Variants in VPS35L observed in about 807,000 individuals in gnomAD.
VPS35L encodes VPS35 endosomal protein sorting factor like, also known as VPS35 endosomal protein-sorting factor-like.
VPS35L carries 83 observed loss-of-function variants against 133.0 expected under a neutral mutation model. The ratio of observed to expected loss-of-function variants is 0.62; its 90% CI spans 0.52 to 0.75. The LOEUF is 0.75. Ranked by LOEUF, VPS35L falls within the 30% of genes least tolerant of loss-of-function variation. The pLI, the probability that VPS35L is intolerant of heterozygous loss-of-function variation, is 0.00. For synonymous variants in VPS35L, 423 were observed against 449.9 expected (o/e 0.94, Z 0.76); for missense variants, 1,083 against 1,206.8 (o/e 0.90, Z 1.52).
rs189306406 is a variant in VPS35L at position 19,626,309 on chromosome 16, G to C, written c.1271+86G>C. 18 of 976,034 alleles carry C rather than the reference G, an allele frequency of 1.8e-5. No individual in the cohort carries two copies. In the African/African-American group the frequency reaches 2.8e-4, roughly 15 times the overall value. 60.5% of individuals were successfully genotyped at this position (976,034 alleles called of 1,614,324 possible). ...GCTTGGCCTGCTTACCTGGGTATGA[G>C]CTGAAGAGAGAGAGGCAGGACTGCA... On this transcript the variant is annotated intron_variant, in intron 15 of 30. Coordinates refer to ENST00000417362, the MANE Select transcript of VPS35L (RefSeq NM_020314.7).
chr16:19,603,864 T>C (rs1972463186), intron 9 of VPS35L, among the ~76,000 whole-genome samples: 1 of 152,180 alleles, frequency 6.6e-6, no homozygotes, highest in Non-Finnish European at 1.5e-5. Flanking sequence ...CCCAAGTAGC[T>C]GGGATTACAG....
intron 7 of VPS35L, among the ~76,000 whole-genome samples, chr16:19,583,126 A>G (rs186823489): frequency 4.7e-5 from 7 of 148,148 alleles, no homozygotes; most frequent in South Asian, 2.1e-4. Flanking sequence ...TCCACCCATT[A>G]TAAGTGTGTA....
intron 28 of VPS35L, among the ~76,000 whole-genome samples, chr16:19,687,862 C>G (rs1403193830): frequency 6.6e-6 from 1 of 151,986 alleles, no homozygotes; most frequent in Non-Finnish European, 1.5e-5. Context: ...CCTGTAATTC[C>G]AGCACTTTGG....
intron 9 of VPS35L, among the ~76,000 whole-genome samples, chr16:19,604,079 C>G (rs1005246414): frequency 9.2e-5 from 14 of 151,896 alleles, no homozygotes; most frequent in Non-Finnish European, 1.6e-4. Context: ...CATGCTATAC[C>G]ATTGGCAGCA....
intron 3 of VPS35L, among the ~76,000 whole-genome samples, chr16:19,570,869 A>G (rs865956063): frequency 1.4e-5 from 1 of 72,896 alleles, no homozygotes; most frequent in Non-Finnish European, 2.5e-5. Context: ...ATATATATAT[A>G]TATATATATA....
At chr16:19,561,093 G>T (rs917468849) in intron 1 of VPS35L, among the ~76,000 whole-genome samples, 1 of 152,164 alleles carries the variant, frequency 6.6e-6, no homozygotes, top group African/African-American at 2.4e-5. Context: ...GTAGGGGCCA[G>T]GTGCAGTGGC....
At chr16:19,672,024 C>G (rs1033650518) in intron 27 of VPS35L, among the ~76,000 whole-genome samples, 6 of 152,136 alleles carry the variant, frequency 3.9e-5, no homozygotes, top group Non-Finnish European at 7.3e-5. Flanking sequence ...TGCTGTATGC[C>G]TAGGCTGAGC....
chr16:19,664,668 A>C (rs1974602611), intron 26 of VPS35L, among the ~76,000 whole-genome samples: 1 of 152,052 alleles, frequency 6.6e-6, no homozygotes, highest in Non-Finnish European at 1.5e-5. Flanking sequence ...TGGGAAGCCA[A>C]GGCAACCGGA....
intron 16 of VPS35L, among the ~76,000 whole-genome samples, chr16:19,628,201 C>T (rs538033839): frequency 4.0e-4 from 61 of 152,142 alleles, no homozygotes; most frequent in Non-Finnish European, 6.6e-4. Flanking sequence ...CCCATCTCTA[C>T]AAAAAATCAA....
At chr16:19,671,434 A>G (rs1341940847) in intron 27 of VPS35L, among the ~76,000 whole-genome samples, 1 of 148,988 alleles carries the variant, frequency 6.7e-6, no homozygotes, top group Non-Finnish European at 1.5e-5. Flanking sequence ...GCACCACCGC[A>G]CTCCAGCCTG....
chr16:19,638,439 C>A (rs1327202232), intron 20 of VPS35L, among the ~76,000 whole-genome samples: 1 of 152,116 alleles, frequency 6.6e-6, no homozygotes, highest in East Asian at 1.9e-4. Context: ...TGCCTGAAAC[C>A]GCAGATAGAA....
intron 27 of VPS35L, among the ~76,000 whole-genome samples, chr16:19,674,184 CTTTTTT>C (rs201038834): frequency 5.6e-5 from 4 of 70,910 alleles, no homozygotes; most frequent in African/African-American, 1.9e-4. Context: ...TTTTCTTTTT[CTTTTTT>C]TTTTTTTTTT....
chr16:19,674,565 G>A (rs1037749272), intron 27 of VPS35L, among the ~76,000 whole-genome samples: 14 of 151,916 alleles, frequency 9.2e-5, no homozygotes, highest in Admixed American at 6.6e-4. Flanking sequence ...TAGTTTTATT[G>A]TATTGGGGCG....
At chr16:19,687,731 TTA>T (rs1975512225) in intron 28 of VPS35L, among the ~76,000 whole-genome samples, 1 of 151,914 alleles carries the variant, frequency 6.6e-6, no homozygotes, top group Admixed American at 6.6e-5. Context: ...AAAAAAAAAA[TTA>T]TGTGTGTCTG....
intron 15 of VPS35L, 32 bp downstream of exon 15, chr16:19,626,255 T>C: frequency 6.5e-7 from 1 of 1,544,572 alleles, no homozygotes; most frequent in Non-Finnish European, 8.9e-7. Context: ...AAGCATGAGT[T>C]TGAAAATGGC....
intron 1 of VPS35L, among the ~76,000 whole-genome samples, chr16:19,564,634 C>T (rs929723123): frequency 7.9e-5 from 12 of 152,148 alleles, no homozygotes; most frequent in Admixed American, 1.3e-4. Flanking sequence ...CCTGACCTCA[C>T]GTGATCCACC....
chr16:19,652,156 G>A, intron 26 of VPS35L, 66 bp downstream of exon 26: 2 of 1,090,906 alleles, frequency 1.8e-6, no homozygotes, highest in Non-Finnish European at 2.8e-6. Context: ...TCAGGTGTGT[G>A]CGTATGTGTG....
chr16:19,580,187 C>T (rs1188933164), intron 6 of VPS35L, among the ~76,000 whole-genome samples: 1 of 151,906 alleles, frequency 6.6e-6, no homozygotes, highest in African/African-American at 2.4e-5. Flanking sequence ...GATCTCAGCT[C>T]ACTGCAACCT....
At position 19,656,251 on chromosome 16, in the gene VPS35L, G is replaced by A. The variant is rs868542669; in HGVS notation, c.2221+4161G>A. ...TGCACTCCAGCCTGGGCAACAAAGCGAGACTCTGTCTCAAAAAAAAAAAAA... is the reference window on the plus strand; with the variant it reads ...TGCACTCCAGCCTGGGCAACAAAGCAAGACTCTGTCTCAAAAAAAAAAAAA... On this transcript the variant is annotated intron_variant, in intron 26 of 30. Coordinates refer to ENST00000417362, the MANE Select transcript of VPS35L (RefSeq NM_020314.7). Among the ~76,000 whole-genome samples the A allele has an allele frequency of 1.1e-3, 154 of 135,460 alleles. 2 individuals are homozygous for A. In the Middle Eastern group the frequency reaches 0.024, roughly 21 times the overall value. 88.9% of individuals were successfully genotyped at this position (135,460 alleles called of 152,430 possible).
Sources: gnomAD v4.1 joint callset for allele counts (sites outside exome capture counted in the v4.1 genomes callset) on GRCh38, gnomAD v4.1.1 for gene constraint, MANE v1.5 for transcripts, NCBI Gene and HGNC (gene_info 2026-07-23, HGNC 2026-07-21) for gene names.